Variants in GPBP1 observed in about 807,000 individuals in gnomAD.
GPBP1 encodes vasculin.
A neutral mutation model predicts 56.5 loss-of-function variants in GPBP1; 13 were observed. The observed-to-expected ratio is 0.23, with a 90% CI of 0.15 to 0.37. The LOEUF (loss-of-function observed/expected upper bound fraction) is 0.37, where lower values mean the gene tolerates loss of function less well. Among genes scored for constraint, GPBP1 ranks in the 10% least tolerant of loss-of-function variants. The pLI is 1.00. For synonymous variants in GPBP1, 204 were observed against 188.9 expected (o/e 1.08, Z -0.66); for missense variants, 477 against 572.3 (o/e 0.83, Z 1.70).
At chr5:57,255,402 T>C (rs905442500) in intron 10 of GPBP1, among the ~76,000 whole-genome samples, 1 of 152,240 alleles carries the variant, frequency 6.6e-6, no homozygotes, top group Non-Finnish European at 1.5e-5. Context: ...AATAATCAGC[T>C]ACTGCCATGT....
chr5:57,193,521 G>T (rs1160145735), intron 2 of GPBP1, among the ~76,000 whole-genome samples: 1 of 149,364 alleles, frequency 6.7e-6, no homozygotes, highest in Non-Finnish European at 1.5e-5. Flanking sequence ...GGCTGAGGTG[G>T]GAAGATCGCT....
rs1741973412 is a variant in GPBP1, at chr5:57,263,141, CTTGCAGAGTCATATCTT to C, written c.*392_*408del. ...AAAAAAGGCAGCTTACACTGTTTTG[CTTGCAGAGTCATATCTT>C]TTTCGTACAATGGAAATCCTCAAGT... On this transcript the variant is annotated 3_prime_UTR_variant, in exon 12 of 12. Transcript: ENST00000506184. The C allele has an allele frequency of 6.4e-6, 1 of 155,362 alleles. No homozygotes were observed. The allele number at this position is 155,362 out of a possible 1,614,324, so 9.6% of individuals were successfully genotyped here.
In GPBP1 at chr5:57,247,152, C is replaced by T. The variant is rs757064891; in HGVS notation, c.741C>T (p.Gly247=). Reference sequence around the variant, plus strand: ...CTCATGAGTCCACATTTGGCGTTGGCAACTTTAATGCTTTTAAATCAACTG... The same window carrying T: ...CTCATGAGTCCACATTTGGCGTTGGTAACTTTAATGCTTTTAAATCAACTG... ...SFPHESTFGV[G]NFNAFKSTAK... Residue 247 remains glycine (G), a synonymous_variant, in exon 8 of 12, where the codon GGC becomes GGT. Coordinates refer to ENST00000506184, the MANE Select transcript of GPBP1 (RefSeq NM_022913.4). 5 of 1,613,484 alleles carry T rather than the reference C, an allele frequency of 3.1e-6. No homozygotes were observed. Among genetic ancestry groups the T allele is most frequent in the Admixed American group, 3.3e-5 (2 of 59,968 alleles).
chr5:57,264,123 G>A lies in GPBP1; in HGVS notation c.*1371G>A, dbSNP rs545025153. On this transcript the variant is annotated 3_prime_UTR_variant, in exon 12 of 12. Transcript: ENST00000506184. Reference sequence around the variant, plus strand: ...CCAGAAACTGTTATTTTTTTTTGTTGTTGTTCCCACTGAGACTGATGGTGA... The same window carrying A: ...CCAGAAACTGTTATTTTTTTTTGTTATTGTTCCCACTGAGACTGATGGTGA... 6.6e-6 allele frequency: 1 copy of A among 151,246 alleles called. No homozygotes were observed. Among genetic ancestry groups the A allele is most frequent in the Admixed American group, 6.6e-5 (1 of 15,206 alleles). 9.4% of individuals were successfully genotyped at this position (151,246 alleles called of 1,614,324 possible). A position where few individuals can be genotyped will look rare whatever the true frequency, so the allele number is the denominator to read the frequency against.
At chr5:57,218,575 A>G (rs1755798174) in intron 3 of GPBP1, among the ~76,000 whole-genome samples, 1 of 151,978 alleles carries the variant, frequency 6.6e-6, no homozygotes, top group Non-Finnish European at 1.5e-5. Flanking sequence ...GAAAGTTCAT[A>G]CCCTCTAATC....
rs896547319 is a variant in GPBP1 at position 57,235,476 on chromosome 5, C to T, written c.412-490C>T. ...AGAAAGTAAAGGAATAAGAGAATGG[C>T]TACTCCATAGGCAGAGTAGCCTGTT... is the stretch of plus-strand genomic sequence containing the variant. On this transcript the variant is annotated intron_variant, in intron 5 of 11. Transcript: ENST00000506184. 2.2e-4 allele frequency among the ~76,000 whole-genome samples: 34 copies of T among 151,722 alleles called. No individual in the cohort carries two copies. The South Asian group carries it at 6.7e-3, about 30-fold the overall frequency.
At chr5:57,231,694 AGCTAGAT>A (rs1333329638) in intron 5 of GPBP1, among the ~76,000 whole-genome samples, 24 of 152,366 alleles carry the variant, frequency 1.6e-4, no homozygotes, top group African/African-American at 5.3e-4. Flanking sequence ...ATAATTTAAA[AGCTAGAT>A]AGAATTTGCA....
intron 2 of GPBP1, among the ~76,000 whole-genome samples, chr5:57,181,535 A>T (rs1312101823): frequency 6.7e-6 from 1 of 150,140 alleles, no homozygotes; most frequent in African/African-American, 2.5e-5. Context: ...ATACTTTGGG[A>T]GCCTGAGGCA....
chr5:57,215,338 G>A (rs1293712295), intron 3 of GPBP1, among the ~76,000 whole-genome samples: 5 of 152,246 alleles, frequency 3.3e-5, no homozygotes, highest in Non-Finnish European at 7.3e-5. Context: ...TTTGTGCACA[G>A]TCACTTTGGG....
At position 57,235,996 on chromosome 5, in the gene GPBP1, C is replaced by A. The variant is rs755280973; in HGVS notation, c.442C>A (p.Pro148Thr). Residue 148 changes from proline to threonine, a missense_variant, in exon 6 of 12, where the codon CCA becomes ACA. Pro to Thr is a conservative substitution (Grantham distance 38). This residue lies in a region of GPBP1 where 414 missense variants were observed against 458.2 expected (regional missense o/e 0.90). Coordinates refer to ENST00000506184, the MANE Select transcript of GPBP1 (RefSeq NM_022913.4). ...PSLNPEYERE[P>T]NHNKSLAAGV... Reference sequence around the variant, plus strand: ...TTTAAATCCTGAGTATGAGAGAGAACCAAATCACAATAAGTCTTTAGCTGC... The same window carrying A: ...TTTAAATCCTGAGTATGAGAGAGAAACAAATCACAATAAGTCTTTAGCTGC... 3.1e-6 allele frequency: 5 copies of A among 1,611,794 alleles called. No homozygotes were observed. The highest frequency in any genetic ancestry group is 4.2e-6 in the Non-Finnish European group (5 of 1,178,130).
intron 2 of GPBP1, among the ~76,000 whole-genome samples, chr5:57,193,465 C>T (rs114792254): frequency 0.012 from 1,742 of 151,470 alleles, 30 homozygotes; most frequent in African/African-American, 0.04. Flanking sequence ...AATACAAAAA[C>T]GACCTGGGCA....
intron 3 of GPBP1, among the ~76,000 whole-genome samples, chr5:57,228,954 G>C (rs927444062): frequency 6.6e-6 from 1 of 152,088 alleles, no homozygotes; most frequent in Non-Finnish European, 1.5e-5. Context: ...TCTGGGCTGA[G>C]TGCAGTGGCT....
rs544562394 is a variant in GPBP1 at position 57,190,717 on chromosome 5, T to C, written c.-58+14317T>C. On this transcript the variant is annotated intron_variant, in intron 2 of 11. Transcript: ENST00000506184. ...AGCTTTTTTTTTTTTTTTTTTTTTT[T>C]TTTTTCCTGAGACAAGGTCTTGCTC... 2.6e-4 allele frequency among the ~76,000 whole-genome samples: 34 copies of C among 132,838 alleles called. No individual in the cohort carries two copies. In the South Asian group the frequency reaches 6.5e-3, roughly 25 times the overall value. 87.1% of individuals were successfully genotyped at this position (132,838 alleles called of 152,430 possible). A position where few individuals can be genotyped will look rare whatever the true frequency, so the allele number is the denominator to read the frequency against.
At chr5:57,177,268 AACGGTGTT>A (rs1286818510) in intron 2 of GPBP1, among the ~76,000 whole-genome samples, 1 of 152,144 alleles carries the variant, frequency 6.6e-6, no homozygotes, top group Non-Finnish European at 1.5e-5. Context: ...TTCAGGATTA[AACGGTGTT>A]TTTAGTTACC....
intron 2 of GPBP1, among the ~76,000 whole-genome samples, chr5:57,213,502 A>G (rs187894934): frequency 9.9e-5 from 15 of 151,196 alleles, no homozygotes; most frequent in African/African-American, 3.7e-4. Flanking sequence ...ATTTGTTCAC[A>G]TAAAGGATTC....
intron 3 of GPBP1, among the ~76,000 whole-genome samples, chr5:57,225,698 T>C (rs1756156758): frequency 6.6e-6 from 1 of 152,134 alleles, no homozygotes. Context: ...GAACAATTAA[T>C]GCCCTCTCTG....
At chr5:57,199,583 T>C (rs1190834927) in intron 2 of GPBP1, among the ~76,000 whole-genome samples, 1 of 152,086 alleles carries the variant, frequency 6.6e-6, no homozygotes, top group Non-Finnish European at 1.5e-5. Context: ...CTAGGGTACA[T>C]GTGCACAACG....
intron 2 of GPBP1, among the ~76,000 whole-genome samples, chr5:57,189,102 A>C (rs1285283796): frequency 1.3e-5 from 2 of 152,110 alleles, no homozygotes; most frequent in East Asian, 3.9e-4. Flanking sequence ...CTGGGATTAC[A>C]GGCATGCACC....
At chr5:57,225,192 C>T (rs1328689313) in intron 3 of GPBP1, among the ~76,000 whole-genome samples, 1 of 152,134 alleles carries the variant, frequency 6.6e-6, no homozygotes, top group African/African-American at 2.4e-5. Flanking sequence ...GGCACGGTAG[C>T]TCATGCCTGT....
Sources: allele counts gnomAD v4.1 joint callset (sites outside exome capture counted in the v4.1 genomes callset), GRCh38; gene constraint gnomAD v4.1.1; regional missense constraint gnomAD v4.1.1; transcripts MANE v1.5; gene names NCBI Gene and HGNC (gene_info 2026-07-23, HGNC 2026-07-21).